The following RGS7 variants were observed in gnomAD, a reference collection of about 807,000 sequenced individuals.
RGS7 encodes regulator of G-protein signaling 7.
A neutral mutation model predicts 81.1 loss-of-function variants in RGS7; 27 were observed. That is an observed-to-expected ratio of 0.33 (90% confidence interval 0.25 to 0.46). RGS7 has a LOEUF of 0.46. RGS7 is among the 20% of genes least tolerant of loss of function. The pLI is 1.00. For synonymous variants in RGS7, 208 were observed against 207.7 expected (o/e 1.00, Z -0.01); for missense variants, 396 against 607.4 (o/e 0.65, Z 3.66).
At chr1:241,197,163 C>G (rs1412701852) in intron 2 of RGS7, among the ~76,000 whole-genome samples, 1 of 151,140 alleles carries the variant, frequency 6.6e-6, no homozygotes, top group Non-Finnish European at 1.5e-5. Context: ...TTATATGACA[C>G]AAGAGACTCA....
At position 241,239,195 on chromosome 1, in the gene RGS7, C is replaced by T. The variant is rs116391373; in HGVS notation, c.78+116504G>A. 4.1e-3 allele frequency among the ~76,000 whole-genome samples: 621 copies of T among 151,934 alleles called. 7 individuals carry two copies. The highest frequency in any genetic ancestry group is 0.014 in the African/African-American group (591 of 41,422). ...TGTTAGCCAGGATGTTCTCGATCTCCGGACCTCGTGACCTGCCTCCCACGG... is the reference window on the plus strand; with the variant it reads ...TGTTAGCCAGGATGTTCTCGATCTCTGGACCTCGTGACCTGCCTCCCACGG... On this transcript the variant is annotated intron_variant, in intron 2 of 18. Transcript: ENST00000440928.
At chr1:240,936,291 G>A (rs1676621322) in intron 5 of RGS7, among the ~76,000 whole-genome samples, 2 of 152,302 alleles carry the variant, frequency 1.3e-5, no homozygotes, top group South Asian at 2.1e-4. Context: ...GTCAGACAGA[G>A]GAAGACTCTC....
chr1:240,942,578 C>A (rs2447695), intron 4 of RGS7, among the ~76,000 whole-genome samples: 1 of 151,884 alleles, frequency 6.6e-6, no homozygotes, highest in African/African-American at 2.4e-5. Flanking sequence ...GTATAAGTAT[C>A]AGTAGTGTGT....
At chr1:240,924,374 C>T (rs904172262) in intron 6 of RGS7, among the ~76,000 whole-genome samples, 1 of 152,140 alleles carries the variant, frequency 6.6e-6, no homozygotes, top group Admixed American at 6.5e-5. Flanking sequence ...GTCTGAAAAC[C>T]TTCACAACAT....
intron 14 of RGS7, 53 bp from the exon 15 acceptor site, chr1:240,806,379 T>C: frequency 1.3e-6 from 2 of 1,560,618 alleles, no homozygotes; most frequent in Non-Finnish European, 1.8e-6. Context: ...CATCTGAAAA[T>C]TCTTGTGACA....
At chr1:240,876,207 T>C (rs1665383665) in intron 6 of RGS7, among the ~76,000 whole-genome samples, 1 of 152,158 alleles carries the variant, frequency 6.6e-6, no homozygotes, top group Non-Finnish European at 1.5e-5. Context: ...CTGTGGCCTA[T>C]TGTGTTCCCA....
At chr1:241,291,587 T>TTTTTTC (rs2079091153) in intron 2 of RGS7, among the ~76,000 whole-genome samples, 1 of 135,108 alleles carries the variant, frequency 7.4e-6, no homozygotes, top group African/African-American at 2.7e-5. Flanking sequence ...TTTTTTTTTT[T>TTTTTTC]GCTTTTTTGA....
At chr1:240,821,946 C>G (rs897347614) in intron 10 of RGS7, among the ~76,000 whole-genome samples, 3 of 152,162 alleles carry the variant, frequency 2.0e-5, no homozygotes, top group African/African-American at 7.2e-5. Context: ...ACCTAGGACC[C>G]CTCTAGCTAT....
chr1:241,329,188 A>T (rs1192250424), intron 2 of RGS7, among the ~76,000 whole-genome samples: 1 of 152,202 alleles, frequency 6.6e-6, no homozygotes, highest in Non-Finnish European at 1.5e-5. Flanking sequence ...TCAGGGGTTG[A>T]CTGAACTTGT....
chr1:240,958,046 C>T (rs988952612), intron 4 of RGS7, among the ~76,000 whole-genome samples: 3 of 152,160 alleles, frequency 2.0e-5, no homozygotes, highest in East Asian at 1.9e-4. Context: ...CACAAAAAGG[C>T]CCCTAGGCAT....
intron 3 of RGS7, among the ~76,000 whole-genome samples, chr1:241,084,448 A>G (rs1256655328): frequency 6.6e-6 from 1 of 152,202 alleles, no homozygotes; most frequent in Non-Finnish European, 1.5e-5. Flanking sequence ...ATGCAATTGA[A>G]GTCAACATGT....
intron 18 of RGS7, among the ~76,000 whole-genome samples, chr1:240,791,863 T>A (rs540719271): frequency 6.6e-6 from 1 of 152,202 alleles, no homozygotes; most frequent in Non-Finnish European, 1.5e-5. Context: ...TGTGCAAATA[T>A]TACCCTTTAG....
chr1:240,776,143 C>A lies in RGS7; in HGVS notation c.*77G>T. On this transcript the variant is annotated 3_prime_UTR_variant, in exon 19 of 19. Transcript: ENST00000440928. ...GTGTGCAGTGACTCCAGTCTGCATT[C>A]ATGCTACAAGATGATCCGTTTAGTA... 6.3e-7 allele frequency: 1 copy of A among 1,594,630 alleles called. No homozygotes were observed. Among genetic ancestry groups the A allele is most frequent in the South Asian group, 1.1e-5 (1 of 90,698 alleles).
At position 241,271,041 on chromosome 1, in the gene RGS7, T is replaced by A. The variant is rs75645375; in HGVS notation, c.78+84658A>T. ...CAAAGTGCTGGGATTCCAGGTCCCA[T>A]CCCTTTTAATTTCTGCACGGGCCCT... On this transcript the variant is annotated intron_variant, in intron 2 of 18. Transcript: ENST00000440928. The surrounding 1 kb of genome is among the most constrained non-coding windows in gnomAD (Gnocchi z 4.6). 0.014 allele frequency among the ~76,000 whole-genome samples: 2,183 copies of A among 152,240 alleles called. 10 individuals are homozygous for A. Among genetic ancestry groups the A allele is most frequent in the Middle Eastern group, 0.051 (15 of 294 alleles).
chr1:241,003,281 G>A (rs751650624), intron 3 of RGS7, among the ~76,000 whole-genome samples: 3 of 151,874 alleles, frequency 2.0e-5, no homozygotes, highest in African/African-American at 4.8e-5. Context: ...CTAGCACAGC[G>A]AAACCCTGTC....
intron 2 of RGS7, among the ~76,000 whole-genome samples, chr1:241,226,954 T>G (rs140907295): frequency 0.012 from 1,899 of 152,344 alleles, 22 homozygotes; most frequent in Non-Finnish European, 0.021. Context: ...CATCATCTTT[T>G]TATGTTACTT....
intron 3 of RGS7, among the ~76,000 whole-genome samples, chr1:241,095,426 G>C (rs530374865): frequency 6.6e-6 from 1 of 152,220 alleles, no homozygotes; most frequent in East Asian, 1.9e-4. Context: ...AAGATCACTG[G>C]AGCCCAGGAA....
Position 240,880,034 on chromosome 1 carries a change from T to C in RGS7, c.386-9915A>G, listed in dbSNP as rs550031280. Among the ~76,000 whole-genome samples, 4 of 152,272 alleles carry C rather than the reference T, an allele frequency of 2.6e-5. No homozygotes were observed. In the South Asian group the frequency reaches 8.3e-4, roughly 32 times the overall value. ...CTCAGATGCTCCAAAATTGGGCACT[T>C]CCTATCTTATTTTATTATTCTATTT... On this transcript the variant is annotated intron_variant, in intron 6 of 18. Coordinates refer to ENST00000440928, the MANE Select transcript of RGS7 (RefSeq NM_001364886.1).
intron 6 of RGS7, among the ~76,000 whole-genome samples, chr1:240,896,908 A>G (rs1051695221): frequency 2.6e-5 from 4 of 152,142 alleles, no homozygotes; most frequent in African/African-American, 7.2e-5. Context: ...GATTCTTCCT[A>G]TCCATGAGCA....
Sources: gnomAD v4.1 joint callset for allele counts (sites outside exome capture counted in the v4.1 genomes callset) on GRCh38, gnomAD v4.1.1 for gene constraint, Gnocchi (gnomAD v3.1) non-coding constraint, MANE v1.5 for transcripts, NCBI Gene and HGNC (gene_info 2026-07-23, HGNC 2026-07-21) for gene names.